The following ZNF846 variants were observed in gnomAD, a reference collection of about 807,000 sequenced individuals.
The protein encoded by ZNF846 is zinc finger protein 420 pseudogene.
ZNF846 carries 15 observed loss-of-function variants against 16.0 expected under a neutral mutation model. The observed-to-expected ratio is 0.94, with a 90% CI of 0.63 to 1.45. ZNF846 has a LOEUF of 1.45. Among genes scored for constraint, ZNF846 ranks in the 40% most tolerant of loss-of-function variants. The pLI is 0.00. For missense variants in ZNF846, 714 were observed against 622.3 expected, an observed-to-expected ratio of 1.15 and a Z score of -1.57; for synonymous variants, 229 against 212.0, an observed-to-expected ratio of 1.08 and a Z score of -0.70.
downstream of ZNF846, chr19:9,756,066 C>T (rs990773591): frequency 5.4e-5 from 8 of 148,612 alleles, no homozygotes; most frequent in African/African-American, 1.5e-4. Flanking sequence ...TCTCAAACTC[C>T]TGACCTCAAA....
chr19:9,757,626 C>T (rs901339539), exon 6 of ZNF846: 2 of 1,613,610 alleles, frequency 1.2e-6, no homozygotes, highest in Non-Finnish European at 1.7e-6. Flanking sequence ...GAAGGCTTTC[C>T]CACATTCTTT....
chr19:9,749,832 A>T (rs964982433), downstream of ZNF846, among the ~76,000 whole-genome samples: 10 of 152,214 alleles, frequency 6.6e-5, no homozygotes, highest in Admixed American at 5.9e-4. Flanking sequence ...CACCTGAGGA[A>T]CTTCTTTACT....
At chr19:9,748,853 C>A (rs149604083), downstream of ZNF846, among the ~76,000 whole-genome samples, 1 of 152,082 alleles carries the variant, frequency 6.6e-6, no homozygotes, top group African/African-American at 2.4e-5. Flanking sequence ...GCCCTCTAGG[C>A]GACTATCTTC....
intron 1 of ZNF846, among the ~76,000 whole-genome samples, chr19:9,765,923 CAAAT>C (rs893600958): frequency 1.3e-5 from 2 of 151,040 alleles, no homozygotes; most frequent in Admixed American, 6.6e-5. Context: ...AATAAATAAA[CAAAT>C]AAATATACAT....
At position 9,758,776 on chromosome 19, in the gene ZNF846, T is replaced by C. The variant is rs1272964544; in HGVS notation, c.313-12A>G. 6.6e-7 allele frequency: 1 copy of C among 1,526,666 alleles called. No individual in the cohort carries two copies. 94.6% of individuals were successfully genotyped at this position (1,526,666 alleles called of 1,614,324 possible). On this transcript the variant is annotated splice_polypyrimidine_tract_variant and intron_variant, in intron 5 of 5. Coordinates refer to ENST00000397902, the Ensembl canonical transcript of ZNF846. Reference sequence around the variant, plus strand: ...GTATTGCTTCTCTCCTGTTGAGATATAAAAGATGAATAAAGAATTTCTCAC... The same window carrying C: ...GTATTGCTTCTCTCCTGTTGAGATACAAAAGATGAATAAAGAATTTCTCAC...
chr19:9,777,806 A>G (rs2045462552), intron 1 of ZNF846, among the ~76,000 whole-genome samples: 2 of 152,032 alleles, frequency 1.3e-5, no homozygotes, highest in African/African-American at 4.8e-5. Context: ...AGACCAAGCT[A>G]GCTAACATGG....
At chr19:9,781,979 G>C (rs2045506445) in intron 1 of ZNF846, among the ~76,000 whole-genome samples, 1 of 151,972 alleles carries the variant, frequency 6.6e-6, no homozygotes, top group South Asian at 2.1e-4. Flanking sequence ...GTTTCACCAT[G>C]TTGGCCAAGC....
At chr19:9,766,232 C>T (rs1293071575) in intron 1 of ZNF846, among the ~76,000 whole-genome samples, 3 of 151,582 alleles carry the variant, frequency 2.0e-5, no homozygotes, top group Non-Finnish European at 2.9e-5. Context: ...TCAGCCTGGT[C>T]AACATGGTGA....
intron 1 of ZNF846, among the ~76,000 whole-genome samples, chr19:9,785,200 A>ATT (rs36014913): frequency 0.045 from 5,207 of 114,594 alleles, 195 homozygotes; most frequent in Non-Finnish European, 0.06. Flanking sequence ...CTTCACCGAG[A>ATT]TTTTTTTTTT....
At chr19:9,782,266 G>A (rs1056559779) in intron 1 of ZNF846, among the ~76,000 whole-genome samples, 1 of 152,070 alleles carries the variant, frequency 6.6e-6, no homozygotes, top group African/African-American at 2.4e-5. Flanking sequence ...AAAGAGCAAT[G>A]TGCTTTCTCT....
At chr19:9,781,088 C>T (rs1285449485) in intron 1 of ZNF846, among the ~76,000 whole-genome samples, 1 of 152,188 alleles carries the variant, frequency 6.6e-6, no homozygotes, top group East Asian at 1.9e-4. Flanking sequence ...TCTTTCAGAA[C>T]TTAAGTCAAC....
chr19:9,762,493 C>T (rs1180194656), intron 3 of ZNF846: 2 of 222,230 alleles, frequency 9.0e-6, no homozygotes, highest in African/African-American at 4.7e-5. Context: ...CAAAAATTAG[C>T]AGGGCATGCT....
At chr19:9,780,492 C>G (rs1599403862) in intron 1 of ZNF846, among the ~76,000 whole-genome samples, 1 of 152,056 alleles carries the variant, frequency 6.6e-6, no homozygotes, top group East Asian at 1.9e-4. Flanking sequence ...CTCTATCACC[C>G]AGGATGGAGT....
exon 6 of ZNF846, chr19:9,757,836 C>T (rs2045156900): frequency 2.5e-6 from 4 of 1,613,360 alleles, no homozygotes; most frequent in Non-Finnish European, 3.4e-6. Flanking sequence ...AGTGTGAATC[C>T]TTACATGTTG....
intron 1 of ZNF846, among the ~76,000 whole-genome samples, chr19:9,780,380 G>A (rs922681391): frequency 6.6e-6 from 1 of 151,884 alleles, no homozygotes; most frequent in African/African-American, 2.4e-5. Context: ...GTTTCCCTTA[G>A]TTCTCTGAAA....
intron 1 of ZNF846, among the ~76,000 whole-genome samples, chr19:9,778,588 T>C (rs1170429724): frequency 6.6e-6 from 1 of 152,094 alleles, no homozygotes; most frequent in African/African-American, 2.4e-5. Flanking sequence ...ATGGATCACC[T>C]GAGGTCAGGA....
chr19:9,776,153 T>C (rs1034180982), intron 1 of ZNF846, among the ~76,000 whole-genome samples: 7 of 152,152 alleles, frequency 4.6e-5, no homozygotes, highest in Non-Finnish European at 8.8e-5. Context: ...GCGAAAACTG[T>C]CAAGGAACAA....
chr19:9,759,843 TC>T lies in ZNF846; in HGVS notation c.312+16del. Reference sequence around the variant, plus strand: ...TCTTGTCCTAGTGTGGAAGATTTCATCCCTTGGAAATCTTACCAATTGTACT... The same window carrying T: ...TCTTGTCCTAGTGTGGAAGATTTCATCCTTGGAAATCTTACCAATTGTACT... On this transcript the variant is annotated intron_variant, in intron 5 of 5. Transcript: ENST00000397902. 6.3e-7 allele frequency: 1 copy of T among 1,583,380 alleles called. No homozygotes were observed. The highest frequency in any genetic ancestry group is 8.7e-7 in the Non-Finnish European group (1 of 1,155,098).
chr19:9,755,809 A>AC (rs2045128035), downstream of ZNF846, among the ~76,000 whole-genome samples: 1 of 106,096 alleles, frequency 9.4e-6, no homozygotes, highest in Non-Finnish European at 1.7e-5. Context: ...CAAAAAAAAA[A>AC]AAAAAAAAAA....
Sources: allele counts gnomAD v4.1 joint callset (sites outside exome capture counted in the v4.1 genomes callset), GRCh38; gene constraint gnomAD v4.1.1; transcripts MANE v1.5; gene names NCBI Gene and HGNC (gene_info 2026-07-23, HGNC 2026-07-21).